ODR4: variants seen among roughly 807,000 people sequenced by gnomAD.
The protein encoded by ODR4 is protein odr-4 homolog.
Under a neutral mutation model 60.2 loss-of-function variants are expected in ODR4, and 47 were observed. That is an observed-to-expected ratio of 0.78 (90% confidence interval 0.62 to 1.00). ODR4 has a LOEUF of 1.00. Among genes scored for constraint, ODR4 ranks in the 50% least tolerant of loss-of-function variants. The pLI is 0.00. For synonymous variants in ODR4, 178 were observed against 175.5 expected (o/e 1.01, Z -0.11); for missense variants, 488 against 530.8 (o/e 0.92, Z 0.79).
At chr1:186,401,197 C>T in intron 11 of ODR4, 1 of 1,568,182 alleles carries the variant, frequency 6.4e-7, no homozygotes, top group South Asian at 1.1e-5. Flanking sequence ...TGCTGATGTT[C>T]AATTAGTAAA....
intron 10 of ODR4, 93 bp downstream of exon 10, chr1:186,398,534 T>C (rs1438737291): frequency 1.6e-6 from 2 of 1,264,532 alleles, no homozygotes; most frequent in Non-Finnish European, 1.1e-6. Context: ...TTTGTAATTA[T>C]TAATTCGATT....
the ODR4 span, among the ~76,000 whole-genome samples, chr1:186,430,448 A>T: frequency 6.6e-6 from 1 of 152,194 alleles, no homozygotes; most frequent in African/African-American, 2.4e-5. Flanking sequence ...AATGATAGAG[A>T]TGAAGGTAGT....
chr1:186,380,121 G>A (rs372505388), intron 2 of ODR4, among the ~76,000 whole-genome samples: 3 of 152,104 alleles, frequency 2.0e-5, no homozygotes, highest in Admixed American at 1.3e-4. Flanking sequence ...CCATGTAAAC[G>A]TAATTTATAA....
At position 186,419,989 on chromosome 1, in the gene ODR4, T is replaced by TTC. The variant is rs1027575484; in HGVS notation, c.*913_*914insTC. On this transcript the variant is annotated 3_prime_UTR_variant, in exon 14 of 14. Coordinates refer to ENST00000287859, the MANE Select transcript of ODR4 (RefSeq NM_017847.6). ...TCAGGTTACTGTATAACTGTTATAA[T>TTC]ATATTTAATATATAAAATTAAGACT... 2.6e-5 allele frequency: 4 copies of TTC among 152,126 alleles called. No homozygotes were observed. Among genetic ancestry groups the TTC allele is most frequent in the Admixed American group, 6.5e-5 (1 of 15,272 alleles). The allele number at this position is 152,126 out of a possible 1,614,324, so 9.4% of individuals were successfully genotyped here. A position where few individuals can be genotyped will look rare whatever the true frequency, so the allele number is the denominator to read the frequency against.
Position 186,390,741 on chromosome 1 carries a change from C to CA in ODR4, c.508dup (p.Ser170LysfsTer17). 6.2e-6 allele frequency: 10 copies of CA among 1,613,508 alleles called. No homozygotes were observed. The highest frequency in any genetic ancestry group is 8.5e-6 in the Non-Finnish European group (10 of 1,179,626). On this transcript the variant is annotated frameshift_variant, in exon 7 of 14. Coordinates refer to ENST00000287859, the MANE Select transcript of ODR4 (RefSeq NM_017847.6). LOFTEE classifies it high-confidence loss of function. ...AGCAAGACCAGCAGATTGGAAGTAT[C>CA]AAAGTGGATTATCATCCTCATGGCT...
At chr1:186,408,510 CAA>C (rs1157097863) in intron 12 of ODR4, among the ~76,000 whole-genome samples, 1 of 149,176 alleles carries the variant, frequency 6.7e-6, no homozygotes, top group East Asian at 2.0e-4. Flanking sequence ...AACATATAAA[CAA>C]TATATAATGT....
chr1:186,384,572 G>GACACTC (rs1553234419), intron 3 of ODR4, among the ~76,000 whole-genome samples: 1,838 of 129,602 alleles, frequency 0.014, 19 homozygotes, highest in Admixed American at 0.042. Context: ...AATTGTATAT[G>GACACTC]ACACACACAC....
intron 1 of ODR4, among the ~76,000 whole-genome samples, chr1:186,379,365 C>G (rs995583245): frequency 1.3e-5 from 2 of 151,274 alleles, no homozygotes; most frequent in Non-Finnish European, 2.9e-5. Context: ...ATCACTTGAA[C>G]CTGGGAGGCA....
At chr1:186,422,160 A>C (rs10911860), downstream of ODR4, among the ~76,000 whole-genome samples, 1 of 152,004 alleles carries the variant, frequency 6.6e-6, no homozygotes, top group Non-Finnish European at 1.5e-5. Flanking sequence ...AATTTTTTTT[A>C]AATGAAGTAG....
intron 8 of ODR4, among the ~76,000 whole-genome samples, chr1:186,393,268 A>G (rs1179680390): frequency 6.6e-6 from 1 of 152,214 alleles, no homozygotes; most frequent in African/African-American, 2.4e-5. Flanking sequence ...ACATGTACTC[A>G]TGAACTTAAA....
chr1:186,381,274 A>G (rs1660008106), intron 2 of ODR4, among the ~76,000 whole-genome samples: 1 of 152,226 alleles, frequency 6.6e-6, no homozygotes, highest in South Asian at 2.1e-4. Flanking sequence ...GGTTGTTTCT[A>G]AAGCTCAGGC....
intron 2 of ODR4, among the ~76,000 whole-genome samples, chr1:186,380,819 A>G (rs1315627376): frequency 6.6e-6 from 1 of 152,192 alleles, no homozygotes; most frequent in Non-Finnish European, 1.5e-5. Context: ...TTGATGCCCC[A>G]TGTTATCTAC....
At chr1:186,434,672 A>G in the ODR4 span, among the ~76,000 whole-genome samples, 2 of 152,198 alleles carry the variant, frequency 1.3e-5, no homozygotes, top group Non-Finnish European at 2.9e-5. Context: ...ATCTTTATTT[A>G]TTTTTAATAA....
chr1:186,404,925 TTCTG>T (rs1299742094), intron 11 of ODR4, among the ~76,000 whole-genome samples: 2 of 152,366 alleles, frequency 1.3e-5, no homozygotes, highest in East Asian at 3.8e-4. Flanking sequence ...ATTTCTATCT[TTCTG>T]ATAGTTCATA....
chr1:186,429,517 T>C, the ODR4 span, among the ~76,000 whole-genome samples: 1 of 152,148 alleles, frequency 6.6e-6, no homozygotes, highest in African/African-American at 2.4e-5. Flanking sequence ...CCTAAAGAAA[T>C]AGTTACTACA....
chr1:186,418,292 T>TC (rs1661657197), intron 13 of ODR4, among the ~76,000 whole-genome samples: 2 of 134,940 alleles, frequency 1.5e-5, no homozygotes, highest in African/African-American at 6.2e-5. Flanking sequence ...TTTCTTTCTT[T>TC]TTTTTTTTTT....
At chr1:186,423,750 C>A (rs1199657538), downstream of ODR4, among the ~76,000 whole-genome samples, 1 of 151,890 alleles carries the variant, frequency 6.6e-6, no homozygotes, top group African/African-American at 2.4e-5. Flanking sequence ...CCACTGCACC[C>A]GGCCACCACT....
chr1:186,376,538 A>G (rs1659775256), intron 1 of ODR4, among the ~76,000 whole-genome samples: 1 of 152,180 alleles, frequency 6.6e-6, no homozygotes, highest in South Asian at 2.1e-4. Context: ...TAGTTCTTAT[A>G]TGAAATTTAT....
intron 13 of ODR4, among the ~76,000 whole-genome samples, chr1:186,418,781 A>G (rs1661681435): frequency 6.6e-6 from 1 of 152,236 alleles, no homozygotes; most frequent in African/African-American, 2.4e-5. Flanking sequence ...TGTGTGCAAG[A>G]GAGATACTTT....
Sources: gnomAD v4.1 joint callset for allele counts (sites outside exome capture counted in the v4.1 genomes callset) on GRCh38, gnomAD v4.1.1 for gene constraint, MANE v1.5 for transcripts, NCBI Gene and HGNC (gene_info 2026-07-23, HGNC 2026-07-21) for gene names.